CYP20A1: variants seen among roughly 807,000 people sequenced by gnomAD.
CYP20A1 encodes cytochrome P450 family 20 subfamily A member 1, also known as cytochrome P450 20A1.
In CYP20A1, 61 loss-of-function variants were observed where a neutral mutation model predicts 61.4. The observed-to-expected ratio is 0.99, with a 90% CI of 0.81 to 1.23. The LOEUF is 1.23. Among genes scored for constraint, CYP20A1 ranks in the 50% most tolerant of loss-of-function variants. The pLI, the probability that CYP20A1 is intolerant of heterozygous loss-of-function variation, is 0.00. For missense variants in CYP20A1, 530 were observed against 542.4 expected (o/e 0.98, Z 0.23); for synonymous variants, 193 against 188.2 (o/e 1.03, Z -0.21).
rs755976703 is a variant in CYP20A1, at chr2:203,298,699, C to CAAAAAA, written c.*1802_*1807dup. 1.1e-5 allele frequency among the ~76,000 whole-genome samples: 1 copy of CAAAAAA among 88,482 alleles called. No individual in the cohort carries two copies. Among genetic ancestry groups the CAAAAAA allele is most frequent in the South Asian group, 3.4e-4 (1 of 2,910 alleles). The allele number at this position is 88,482 out of a possible 152,430, so 58.0% of individuals were successfully genotyped here. A position where few individuals can be genotyped will look rare whatever the true frequency, so the allele number is the denominator to read the frequency against. ...CTGGGTGTCGAGTGAAACTCATTCT[C>CAAAAAA]AAAAAAAAAAAAAAAAGGAGGTGGG... On this transcript the variant is annotated 3_prime_UTR_variant, in exon 13 of 13. Transcript: ENST00000356079.
At chr2:203,256,848 T>C (rs1231566020) in intron 4 of CYP20A1, among the ~76,000 whole-genome samples, 1 of 152,144 alleles carries the variant, frequency 6.6e-6, no homozygotes, top group Non-Finnish European at 1.5e-5. Flanking sequence ...ATTATTTGAC[T>C]CCTCTCTTAC....
At position 203,289,806 on chromosome 2, in the gene CYP20A1, A is replaced by G; in HGVS notation, c.1013A>G (p.Lys338Arg). Reference sequence around the variant, plus strand: ...CTTTGTGAAACTGTTCGAACTGCCAAACTGACTCCAGTTTCTGCCCAGCTT... The same window carrying G: ...CTTTGTGAAACTGTTCGAACTGCCAGACTGACTCCAGTTTCTGCCCAGCTT... ...HVLCETVRTA[K>R]LTPVSAQLQD... The change falls in exon 10 of 13, where the codon AAA (lysine) becomes AGA (arginine). Residue 338 changes from lysine (K) to arginine (R), a missense_variant. Transcript: ENST00000356079. The G allele has an allele frequency of 6.2e-7, 1 of 1,601,404 alleles. No individual in the cohort carries two copies. Among genetic ancestry groups the G allele is most frequent in the Middle Eastern group, 1.7e-4 (1 of 6,020 alleles).
At chr2:203,261,860 G>A (rs2152070202) in intron 4 of CYP20A1, among the ~76,000 whole-genome samples, 1 of 152,122 alleles carries the variant, frequency 6.6e-6, no homozygotes, top group Admixed American at 6.6e-5. Flanking sequence ...GGGGAAAGCT[G>A]TTCGTGGAGA....
chr2:203,251,817 A>ATGTGTACATATATATATAT (rs34111991), intron 3 of CYP20A1, 150 bp from the exon 4 acceptor site: 1 of 95,294 alleles, frequency 1.0e-5, no homozygotes, highest in African/African-American at 3.4e-5. Flanking sequence ...ATATATATAT[A>ATGTGTACATATATATATAT]AAAAATAAAA....
chr2:203,239,198 C>A, intron 1 of CYP20A1, 64 bp downstream of exon 1: 1 of 1,383,784 alleles, frequency 7.2e-7, no homozygotes. Flanking sequence ...CGCCGGCATC[C>A]AGGCCAACCT....
At chr2:203,265,340 G>A (rs1198859359) in intron 4 of CYP20A1, among the ~76,000 whole-genome samples, 4 of 152,132 alleles carry the variant, frequency 2.6e-5, no homozygotes, top group Non-Finnish European at 4.4e-5. Flanking sequence ...GTTGAGAACC[G>A]CTGCCCTAGA....
intron 8 of CYP20A1, among the ~76,000 whole-genome samples, chr2:203,282,997 A>G (rs1314881125): frequency 6.6e-6 from 1 of 152,040 alleles, no homozygotes; most frequent in Non-Finnish European, 1.5e-5. Context: ...AGTGGGACAC[A>G]ATCTCTACAA....
At chr2:203,295,656 T>C (rs1037401698) in intron 11 of CYP20A1, among the ~76,000 whole-genome samples, 1 of 152,108 alleles carries the variant, frequency 6.6e-6, no homozygotes, top group Non-Finnish European at 1.5e-5. Context: ...CATTTAGAAA[T>C]AATAAAGTAG....
In CYP20A1 at chr2:203,289,894, T is replaced by C; in HGVS notation, c.1083+18T>C. 1.6e-6 allele frequency: 2 copies of C among 1,250,146 alleles called. No individual in the cohort carries two copies. Among genetic ancestry groups the C allele is most frequent in the Non-Finnish European group, 2.3e-6 (2 of 865,656 alleles). 77.4% of individuals were successfully genotyped at this position (1,250,146 alleles called of 1,614,324 possible). A position where few individuals can be genotyped will look rare whatever the true frequency, so the allele number is the denominator to read the frequency against. The stretch of plus-strand genomic sequence containing the variant: ...CTAGAGAGGTAGAAAACCTTTAATA[T>C]GTTTAATTCATTCAGCTATTCTCAA... On this transcript the variant is annotated intron_variant, in intron 10 of 12. Transcript: ENST00000356079.
chr2:203,269,085 C>T (rs1260402194), intron 5 of CYP20A1, among the ~76,000 whole-genome samples: 2 of 152,090 alleles, frequency 1.3e-5, no homozygotes, highest in Admixed American at 6.6e-5. Flanking sequence ...TATTTTTCCA[C>T]CAATATTAGT....
chr2:203,271,071 T>TAG lies in CYP20A1; in HGVS notation c.601-1598_601-1597insGA, dbSNP rs1449849292. Reference sequence around the variant, plus strand: ...GTATATGTGTATATATATATATATATATATATATATATTTTTTTTTTTTTT... The same window carrying TAG: ...GTATATGTGTATATATATATATATATAGATATATATATATTTTTTTTTTTTTT... On this transcript the variant is annotated intron_variant, in intron 5 of 12. Transcript: ENST00000356079. Among the ~76,000 whole-genome samples the TAG allele has an allele frequency of 3.5e-5, 3 of 84,970 alleles. No individual in the cohort carries two copies. The East Asian group carries it at 7.9e-4, about 22-fold the overall frequency. The allele number at this position is 84,970 out of a possible 152,430, so 55.7% of individuals were successfully genotyped here. A position where few individuals can be genotyped will look rare whatever the true frequency, so the allele number is the denominator to read the frequency against.
Position 203,302,582 on chromosome 2 carries a change from T to C in CYP20A1, c.*5674T>C, listed in dbSNP as rs548206933. On this transcript the variant is annotated 3_prime_UTR_variant, in exon 13 of 13. Coordinates refer to ENST00000356079, the MANE Select transcript of CYP20A1 (RefSeq NM_177538.3). ...TTTTTATGCATATGTAATTTATATA[T>C]ATTATACAAAATATTATTTGCATTT... 2.9e-4 allele frequency among the ~76,000 whole-genome samples: 44 copies of C among 152,326 alleles called. No individual in the cohort carries two copies. Among genetic ancestry groups the C allele is most frequent in the African/African-American group, 7.2e-4 (30 of 41,582 alleles).
rs2067336016 is a variant in CYP20A1 at position 203,266,681 on chromosome 2, A to G, written c.600A>G (p.Thr200=). Residue 200 remains threonine, a splice_region_variant and synonymous_variant, in exon 5 of 13, where the codon ACA becomes ACG. Transcript: ENST00000356079. The stretch of plus-strand genomic sequence containing the variant: ...TTCGCTTCCAGAAGAATCATGGCAC[A>G]GTAAGTCTGGGGCTAAATTTAAAAT... The part of the protein sequence containing the change: ...EVIRFQKNHG[T]VWSEIGKGFL... 8 of 1,613,282 alleles carry G rather than the reference A, an allele frequency of 5.0e-6. No homozygotes were observed. The highest frequency in any genetic ancestry group is 5.9e-6 in the Non-Finnish European group (7 of 1,179,364).
At chr2:203,263,302 T>A (rs968434188) in intron 4 of CYP20A1, among the ~76,000 whole-genome samples, 35 of 148,482 alleles carry the variant, frequency 2.4e-4, no homozygotes, top group Admixed American at 8.1e-4. Context: ...TTTTTTTTTT[T>A]AAATTTTAGG....
rs545651580 is a variant in CYP20A1, at chr2:203,298,801, G to A, written c.*1893G>A. Among the ~76,000 whole-genome samples, 3 of 151,998 alleles carry A rather than the reference G, an allele frequency of 2.0e-5. No homozygotes were observed. The highest frequency in any genetic ancestry group is 2.1e-4 in the South Asian group (1 of 4,810). The stretch of plus-strand genomic sequence containing the variant: ...TGTTATCCTAACACTTTGGGAAGCC[G>A]ACATGGGCAGATCACGAGGTCAAGA... On this transcript the variant is annotated 3_prime_UTR_variant, in exon 13 of 13. Coordinates refer to ENST00000356079, the MANE Select transcript of CYP20A1 (RefSeq NM_177538.3).
At chr2:203,287,340 C>G (rs1479548367) in intron 9 of CYP20A1, among the ~76,000 whole-genome samples, 1 of 150,210 alleles carries the variant, frequency 6.7e-6, no homozygotes, top group Non-Finnish European at 1.5e-5. Context: ...TACTAGTTGT[C>G]TTTTGAAGTT....
rs543841341 is a variant in CYP20A1 at position 203,294,159 on chromosome 2, T to A, written c.1148+1833T>A. Among the ~76,000 whole-genome samples the A allele has an allele frequency of 2.6e-5, 4 of 152,144 alleles. No homozygotes were observed. In the South Asian group the frequency reaches 6.2e-4, roughly 24 times the overall value. ...GCTACCATGCCTGGCTAATTTTTTT[T>A]AATTTTTAATTTATTTTTATTTTTA... On this transcript the variant is annotated intron_variant, in intron 11 of 12. Transcript: ENST00000356079.
chr2:203,275,500 C>T (rs937195926), intron 6 of CYP20A1, among the ~76,000 whole-genome samples: 13 of 151,528 alleles, frequency 8.6e-5, no homozygotes, highest in Non-Finnish European at 1.6e-4. Flanking sequence ...ATTGCAGTGG[C>T]TCAATCTCAG....
chr2:203,278,749 T>C (rs1052046118), intron 7 of CYP20A1, 61 bp downstream of exon 7: 2 of 875,946 alleles, frequency 2.3e-6, no homozygotes, highest in East Asian at 2.7e-5. Flanking sequence ...GCACAATGGC[T>C]CATGACTGTA....
Sources: gnomAD v4.1 joint callset for allele counts (sites outside exome capture counted in the v4.1 genomes callset) on GRCh38, gnomAD v4.1.1 for gene constraint, MANE v1.5 for transcripts, NCBI Gene and HGNC (gene_info 2026-07-23, HGNC 2026-07-21) for gene names.